RBMS1: variants seen among roughly 807,000 people sequenced by gnomAD.
The protein encoded by RBMS1 is RNA-binding motif, single-stranded-interacting protein 1.
Under a neutral mutation model 62.3 loss-of-function variants are expected in RBMS1, and 17 were observed. The observed-to-expected ratio is 0.27, with a 90% CI of 0.19 to 0.41. The LOEUF is 0.41. RBMS1 is among the 10% of genes least tolerant of loss of function. RBMS1 has a pLI of 1.00. For synonymous variants in RBMS1, 172 were observed against 170.0 expected, an observed-to-expected ratio of 1.01 and a Z score of -0.09; for missense variants, 334 against 504.5, an observed-to-expected ratio of 0.66 and a Z score of 3.24.
intron 2 of RBMS1, among the ~76,000 whole-genome samples, chr2:160,342,726 G>A (rs1429908132): frequency 6.7e-6 from 1 of 148,964 alleles, no homozygotes; most frequent in Non-Finnish European, 1.5e-5. Context: ...AGACCAGACT[G>A]GCTAACATGG....
At chr2:160,295,158 A>G (rs557984320) in intron 6 of RBMS1, among the ~76,000 whole-genome samples, 18 of 152,332 alleles carry the variant, frequency 1.2e-4, no homozygotes, top group Non-Finnish European at 2.2e-4. Context: ...GTCTGGCATT[A>G]TACATTTAAC....
intron 4 of RBMS1, among the ~76,000 whole-genome samples, chr2:160,311,055 G>A (rs1245345037): frequency 6.6e-6 from 1 of 151,548 alleles, no homozygotes; most frequent in African/African-American, 2.4e-5. Context: ...TTATCCGGGT[G>A]TGGTGGCATG....
At chr2:160,296,049 G>A (rs562429286) in intron 6 of RBMS1, among the ~76,000 whole-genome samples, 2 of 152,202 alleles carry the variant, frequency 1.3e-5, no homozygotes, top group Non-Finnish European at 2.9e-5. Context: ...GACACCGTAG[G>A]AGCAAGAAAA....
chr2:160,303,169 T>C (rs1273471807), intron 5 of RBMS1, among the ~76,000 whole-genome samples, 161 bp downstream of exon 5: 1 of 152,226 alleles, frequency 6.6e-6, no homozygotes, highest in Non-Finnish European at 1.5e-5. Context: ...GCAAAAGATC[T>C]GGAAAAATGC....
chr2:160,486,858 C>T (rs181095679), intron 1 of RBMS1, among the ~76,000 whole-genome samples: 4 of 152,206 alleles, frequency 2.6e-5, no homozygotes, highest in South Asian at 2.1e-4. Flanking sequence ...TCCCCTTTGC[C>T]GGAAGCAAAG....
At chr2:160,462,312 C>G (rs1684500040) in intron 1 of RBMS1, among the ~76,000 whole-genome samples, 1 of 152,232 alleles carries the variant, frequency 6.6e-6, no homozygotes. Context: ...GCCCTCTGCT[C>G]TGTCTTATGC....
At chr2:160,377,265 T>A (rs1218109790) in intron 1 of RBMS1, among the ~76,000 whole-genome samples, 1 of 152,228 alleles carries the variant, frequency 6.6e-6, no homozygotes, top group Non-Finnish European at 1.5e-5. Flanking sequence ...TCCTAGTATA[T>A]TTCGTTAAAA....
intron 1 of RBMS1, among the ~76,000 whole-genome samples, chr2:160,463,074 C>T (rs1436820046): frequency 2.0e-5 from 3 of 150,806 alleles, no homozygotes; most frequent in African/African-American, 4.9e-5. Flanking sequence ...AAATGGAACC[C>T]GCTGTCAAGA....
At chr2:160,456,793 T>A (rs1684253780) in intron 1 of RBMS1, among the ~76,000 whole-genome samples, 1 of 152,188 alleles carries the variant, frequency 6.6e-6, no homozygotes, top group South Asian at 2.1e-4. Flanking sequence ...CCAATTTGGC[T>A]TCTTCTCCAG....
chr2:160,487,645 A>G (rs1255706908), intron 1 of RBMS1, among the ~76,000 whole-genome samples: 1 of 152,206 alleles, frequency 6.6e-6, no homozygotes, highest in Non-Finnish European at 1.5e-5. Context: ...TCACCCACCA[A>G]CATTGATTTA....
chr2:160,458,606 G>C (rs1347922964), intron 1 of RBMS1, among the ~76,000 whole-genome samples: 1 of 152,144 alleles, frequency 6.6e-6, no homozygotes, highest in African/African-American at 2.4e-5. Context: ...AAACCAGCCT[G>C]GGCAACATGG....
intron 1 of RBMS1, among the ~76,000 whole-genome samples, chr2:160,490,930 C>T (rs1004813892): frequency 2.6e-5 from 4 of 152,096 alleles, no homozygotes; most frequent in Admixed American, 6.5e-5. Flanking sequence ...CCCATATTTT[C>T]GGAAGGTTAA....
At chr2:160,419,667 G>A (rs1167255171) in intron 1 of RBMS1, among the ~76,000 whole-genome samples, 2 of 152,160 alleles carry the variant, frequency 1.3e-5, no homozygotes, top group Non-Finnish European at 1.5e-5. Flanking sequence ...TTGATTCAGA[G>A]GATCCCAGAC....
chr2:160,374,727 C>T (rs977445898), intron 1 of RBMS1, among the ~76,000 whole-genome samples: 11 of 152,110 alleles, frequency 7.2e-5, no homozygotes, highest in Admixed American at 3.3e-4. Flanking sequence ...GTCGGGAGTT[C>T]GAGACCAGCC....
intron 1 of RBMS1, among the ~76,000 whole-genome samples, chr2:160,455,158 G>T (rs983791800): frequency 6.6e-6 from 1 of 152,110 alleles, no homozygotes; most frequent in Non-Finnish European, 1.5e-5. Context: ...GAAAAAGACC[G>T]GTATCTGATG....
chr2:160,423,824 T>C (rs1337633164), intron 1 of RBMS1, among the ~76,000 whole-genome samples: 1 of 152,158 alleles, frequency 6.6e-6, no homozygotes. Context: ...CTCTCTCTGA[T>C]ATCACTACTG....
At chr2:160,395,045 A>C (rs1695065066) in intron 1 of RBMS1, among the ~76,000 whole-genome samples, 1 of 152,256 alleles carries the variant, frequency 6.6e-6, no homozygotes, top group South Asian at 2.1e-4. Flanking sequence ...GAACACAATT[A>C]GTAAATATTC....
At chr2:160,313,374 C>T (rs919533388) in intron 3 of RBMS1, 127 bp from the exon 4 acceptor site, 31 of 822,346 alleles carry the variant, frequency 3.8e-5, no homozygotes, top group African/African-American at 2.4e-4. Context: ...GGAGCTCAGG[C>T]GTTAACAGCT....
chr2:160,314,131 A>G (rs1195505606), intron 3 of RBMS1, among the ~76,000 whole-genome samples: 1 of 152,216 alleles, frequency 6.6e-6, no homozygotes, highest in African/African-American at 2.4e-5. Flanking sequence ...AACAAGCAAT[A>G]AAAGAGAAAA....
Sources: allele counts gnomAD v4.1 joint callset (sites outside exome capture counted in the v4.1 genomes callset), GRCh38; gene constraint gnomAD v4.1.1; transcripts MANE v1.5; gene names NCBI Gene and HGNC (gene_info 2026-07-23, HGNC 2026-07-21).